BCL2: variants seen among roughly 807,000 people sequenced by gnomAD.
The protein encoded by BCL2 is BCL2 apoptosis regulator.
In BCL2, 1 loss-of-function variant was observed where a neutral mutation model predicts 14.2. The observed-to-expected ratio is 0.07, with a 90% CI of 0.02 to 0.33. The LOEUF is 0.33. BCL2 is among the 10% of genes least tolerant of loss of function. The probability of loss-of-function intolerance (pLI) is 0.99; values close to 1 mark genes in which losing one functional copy is unlikely to be tolerated. For missense variants in BCL2, 247 were observed against 305.9 expected (o/e 0.81, Z 1.44); for synonymous variants, 151 against 137.2 (o/e 1.10, Z -0.70).
intron 2 of BCL2, among the ~76,000 whole-genome samples, chr18:63,312,119 T>C (rs543014864): frequency 6.6e-6 from 1 of 152,240 alleles, no homozygotes; most frequent in Non-Finnish European, 1.5e-5. Flanking sequence ...GGGTGAGGGT[T>C]ATCCTCTCAC....
chr18:63,156,917 C>T lies in BCL2; in HGVS notation c.586-28158G>A, dbSNP rs113728801. On this transcript the variant is annotated intron_variant, in intron 2 of 2. Coordinates refer to ENST00000333681, the MANE Select transcript of BCL2 (RefSeq NM_000633.3). ...GGAGAATTTGCCCTCCGTTTTCTTCCCTCGCTTTCTTCTCCATTTTCTCTC... is the reference window on the plus strand; with the variant it reads ...GGAGAATTTGCCCTCCGTTTTCTTCTCTCGCTTTCTTCTCCATTTTCTCTC... Among the ~76,000 whole-genome samples, 166 of 152,268 alleles carry T rather than the reference C, an allele frequency of 1.1e-3. 1 individual carries two copies. Among genetic ancestry groups the T allele is most frequent in the Non-Finnish European group, 1.9e-3 (131 of 68,012 alleles).
intron 2 of BCL2, among the ~76,000 whole-genome samples, chr18:63,251,959 A>C (rs944288923): frequency 6.6e-6 from 1 of 152,118 alleles, no homozygotes; most frequent in Non-Finnish European, 1.5e-5. Flanking sequence ...TCGACCTCCC[A>C]AAGTGCTGGG....
At chr18:63,148,022 G>T (rs1482965834) in intron 2 of BCL2, among the ~76,000 whole-genome samples, 9 of 152,044 alleles carry the variant, frequency 5.9e-5, no homozygotes, top group African/African-American at 2.2e-4. Flanking sequence ...AAAATGCAGA[G>T]AAAATCCATC....
chr18:63,285,374 A>G (rs1266399055), intron 2 of BCL2, among the ~76,000 whole-genome samples: 3 of 152,216 alleles, frequency 2.0e-5, no homozygotes, highest in South Asian at 4.1e-4. Flanking sequence ...GACCTCTGGA[A>G]TTCTCTTTCT....
chr18:63,318,991 A>T lies in BCL2; in HGVS notation c.-286-39T>A. On this transcript the variant is annotated intron_variant, in intron 1 of 2. Coordinates refer to ENST00000333681, the MANE Select transcript of BCL2 (RefSeq NM_000633.3). This position sits in a 1 kb window ranked among gnomAD's most constrained non-coding sequence, Gnocchi z 7.4. Reference sequence around the variant, plus strand: ...GAAAAAACAAACTAATAAGTAAAAAATCAGGTGCGTTTCCCTGTACACACT... The same window carrying T: ...GAAAAAACAAACTAATAAGTAAAAATTCAGGTGCGTTTCCCTGTACACACT... 7 of 1,242,444 alleles carry T rather than the reference A, an allele frequency of 5.6e-6. No homozygotes were observed. The highest frequency in any genetic ancestry group is 5.1e-6 in the Non-Finnish European group (5 of 981,486). The allele number at this position is 1,242,444 out of a possible 1,614,324, so 77.0% of individuals were successfully genotyped here. A position where few individuals can be genotyped will look rare whatever the true frequency, so the allele number is the denominator to read the frequency against.
intron 2 of BCL2, among the ~76,000 whole-genome samples, chr18:63,221,957 C>T (rs894849125): frequency 1.3e-5 from 2 of 152,082 alleles, no homozygotes; most frequent in African/African-American, 2.4e-5. Context: ...TATGTAGAAA[C>T]GATTTCACAA....
chr18:63,286,600 A>G (rs1369665171), intron 2 of BCL2, among the ~76,000 whole-genome samples: 1 of 152,134 alleles, frequency 6.6e-6, no homozygotes, highest in Non-Finnish European at 1.5e-5. Flanking sequence ...TCAGCTGTAC[A>G]CCAAACTCTG....
chr18:63,155,108 A>G (rs1005084916), intron 2 of BCL2, among the ~76,000 whole-genome samples: 1 of 152,226 alleles, frequency 6.6e-6, no homozygotes, highest in African/African-American at 2.4e-5. Context: ...AGAGGACGCT[A>G]CAACATCAAC....
intron 2 of BCL2, among the ~76,000 whole-genome samples, chr18:63,288,646 G>T (rs1441743319): frequency 2.6e-5 from 4 of 152,136 alleles, no homozygotes; most frequent in African/African-American, 4.8e-5. Context: ...GCAGTCAAGG[G>T]GAGAAAAGAA....
intron 2 of BCL2, among the ~76,000 whole-genome samples, chr18:63,272,306 G>A (rs1455799892): frequency 3.9e-5 from 6 of 152,178 alleles, no homozygotes; most frequent in Admixed American, 3.9e-4. Flanking sequence ...GAGTGACAGG[G>A]ATCAGCGGCT....
chr18:63,305,603 CTG>C (rs1031866952), intron 2 of BCL2, among the ~76,000 whole-genome samples: 1 of 152,088 alleles, frequency 6.6e-6, no homozygotes, highest in Non-Finnish European at 1.5e-5. Flanking sequence ...CAAGAAACCA[CTG>C]TCATTTTTTT....
intron 2 of BCL2, among the ~76,000 whole-genome samples, chr18:63,142,229 T>G (rs553282499): frequency 6.6e-6 from 1 of 152,168 alleles, no homozygotes; most frequent in African/African-American, 2.4e-5. Context: ...TGGAGGAGGG[T>G]ATGTAGAAGA....
intron 2 of BCL2, among the ~76,000 whole-genome samples, chr18:63,150,056 G>GT (rs1378398073): frequency 1.3e-5 from 2 of 151,936 alleles, no homozygotes; most frequent in Non-Finnish European, 2.9e-5. Flanking sequence ...AATTTTTGTA[G>GT]TTTTTTTGTA....
chr18:63,212,531 AC>A (rs1399247191), intron 2 of BCL2, among the ~76,000 whole-genome samples: 3 of 151,582 alleles, frequency 2.0e-5, no homozygotes, highest in African/African-American at 4.8e-5. Context: ...GCCACAAGCC[AC>A]AGTGGGAACT....
At chr18:63,142,994 G>C (rs1313261004) in intron 2 of BCL2, among the ~76,000 whole-genome samples, 1 of 152,212 alleles carries the variant, frequency 6.6e-6, no homozygotes. Flanking sequence ...AGTGGCAGCA[G>C]CTGTTAGTAC....
intron 2 of BCL2, among the ~76,000 whole-genome samples, chr18:63,153,950 T>A (rs1219370376): frequency 1.3e-5 from 2 of 152,214 alleles, no homozygotes; most frequent in East Asian, 3.8e-4. Context: ...CAGAAAGGAT[T>A]AAGCTATAAC....
Position 63,273,568 on chromosome 18 carries a change from G to A in BCL2, c.585+44514C>T, listed in dbSNP as rs568762422. Among the ~76,000 whole-genome samples the A allele has an allele frequency of 2.0e-5, 3 of 152,332 alleles. No homozygotes were observed. The South Asian group carries it at 6.2e-4, about 32-fold the overall frequency. On this transcript the variant is annotated intron_variant, in intron 2 of 2. Coordinates refer to ENST00000333681, the MANE Select transcript of BCL2 (RefSeq NM_000633.3). ...AAATACTCAAATCTGTCCTTCGATT[G>A]CTAGGTCGGCCGATTAGCTGTACAA...
intron 2 of BCL2, among the ~76,000 whole-genome samples, chr18:63,184,572 C>T (rs879864935): frequency 6.6e-6 from 1 of 152,212 alleles, no homozygotes; most frequent in Non-Finnish European, 1.5e-5. Flanking sequence ...AATAAAACCT[C>T]ATATCCCCAT....
At chr18:63,288,911 G>A (rs1012287707) in intron 2 of BCL2, among the ~76,000 whole-genome samples, 3 of 152,198 alleles carry the variant, frequency 2.0e-5, no homozygotes, top group African/African-American at 7.2e-5. Flanking sequence ...CAGGGATCTT[G>A]TTTTGCTTGC....
Sources: gnomAD v4.1 joint callset for allele counts (sites outside exome capture counted in the v4.1 genomes callset) on GRCh38, gnomAD v4.1.1 for gene constraint, Gnocchi (gnomAD v3.1) non-coding constraint, MANE v1.5 for transcripts, NCBI Gene and HGNC (gene_info 2026-07-23, HGNC 2026-07-21) for gene names.